Variants in PLXDC2 observed in about 807,000 individuals in gnomAD.
PLXDC2 encodes the protein plexin domain-containing protein 2.
A neutral mutation model predicts 68.9 loss-of-function variants in PLXDC2; 40 were observed. The observed-to-expected ratio is 0.58, with a 90% CI of 0.45 to 0.76. The LOEUF (loss-of-function observed/expected upper bound fraction) is 0.76, where lower values mean the gene tolerates loss of function less well. PLXDC2 is among the 30% of genes least tolerant of loss of function. PLXDC2 has a pLI of 0.00. For missense variants in PLXDC2, 644 were observed against 661.9 expected, an observed-to-expected ratio of 0.97 and a Z score of 0.30; for synonymous variants, 243 against 234.2, an observed-to-expected ratio of 1.04 and a Z score of -0.34.
rs570166468 is a variant in PLXDC2, at chr10:20,020,900, G to A, written c.324+18914G>A. Among the ~76,000 whole-genome samples, 8 of 152,206 alleles carry A rather than the reference G, an allele frequency of 5.3e-5. No individual in the cohort carries two copies. In the South Asian group the frequency reaches 1.0e-3, roughly 20 times the overall value. ...CTCTGACCCAGGTAAAAGAGGACAT[G>A]CCAGAAATAAAACCTGGAAAGGAAA... On this transcript the variant is annotated intron_variant, in intron 2 of 13. Transcript: ENST00000377252.
chr10:19,927,360 T>A (rs2131385912), intron 1 of PLXDC2, among the ~76,000 whole-genome samples: 1 of 152,144 alleles, frequency 6.6e-6, no homozygotes, highest in South Asian at 2.1e-4. Context: ...TTATTTTTTC[T>A]TATGAATTAG....
intron 1 of PLXDC2, among the ~76,000 whole-genome samples, chr10:19,940,782 T>C (rs1833806674): frequency 6.6e-6 from 1 of 152,192 alleles, no homozygotes; most frequent in Non-Finnish European, 1.5e-5. Context: ...GAGAAGGAAT[T>C]CTGTCAGAGT....
In PLXDC2 at chr10:20,066,547, A is replaced by T. The variant is rs367568829; in HGVS notation, c.472-1623A>T. 1.2e-4 allele frequency among the ~76,000 whole-genome samples: 18 copies of T among 152,342 alleles called. No individual in the cohort carries two copies. In the East Asian group the frequency reaches 2.1e-3, roughly 18 times the overall value. On this transcript the variant is annotated intron_variant, in intron 3 of 13. Coordinates refer to ENST00000377252, the MANE Select transcript of PLXDC2 (RefSeq NM_032812.9). ...TTTGAGATAAATGATCCTGCCATTG[A>T]ACTCTTCCTTCATTTTAGGGTTCTT...
At chr10:20,226,673 A>T (rs531349365) in intron 12 of PLXDC2, among the ~76,000 whole-genome samples, 1 of 152,322 alleles carries the variant, frequency 6.6e-6, no homozygotes, top group African/African-American at 2.4e-5. Context: ...TATGCTGCCG[A>T]TAGGACACAG....
chr10:20,235,601 TTAGGTCCAG>T (rs1835422297), intron 12 of PLXDC2, among the ~76,000 whole-genome samples: 1 of 152,146 alleles, frequency 6.6e-6, no homozygotes, highest in South Asian at 2.1e-4. Context: ...TGCCGCTCCT[TTAGGTCCAG>T]CAGTGTGAGA....
intron 1 of PLXDC2, among the ~76,000 whole-genome samples, chr10:19,883,695 T>G (rs1020891717): frequency 6.7e-6 from 1 of 148,960 alleles, no homozygotes; most frequent in Middle Eastern, 3.6e-3. Context: ...TTCTTCAGAC[T>G]TGAAAAAAAA....
At chr10:20,044,774 G>A (rs1835767708) in intron 2 of PLXDC2, among the ~76,000 whole-genome samples, 1 of 152,058 alleles carries the variant, frequency 6.6e-6, no homozygotes, top group Non-Finnish European at 1.5e-5. Flanking sequence ...CTCAGTAATT[G>A]CTCCTTCTTA....
intron 1 of PLXDC2, among the ~76,000 whole-genome samples, chr10:19,953,225 A>G (rs1834019317): frequency 6.6e-6 from 1 of 152,234 alleles, no homozygotes; most frequent in Non-Finnish European, 1.5e-5. Flanking sequence ...GTTAGTATAG[A>G]CTGCTGTGTA....
Position 19,845,094 on chromosome 10 carries a change from A to G in PLXDC2, c.112+27903A>G, listed in dbSNP as rs530504060. On this transcript the variant is annotated intron_variant, in intron 1 of 13. Coordinates refer to ENST00000377252, the MANE Select transcript of PLXDC2 (RefSeq NM_032812.9). ...CTGTCTGCTTCCAGATGTGGTTTTC[A>G]TAGGGAGTTGCCCACCCCCAACCTG... 4.6e-5 allele frequency among the ~76,000 whole-genome samples: 7 copies of G among 152,266 alleles called. No individual in the cohort carries two copies. The East Asian group carries it at 1.2e-3, about 25-fold the overall frequency.
At chr10:19,966,418 A>AAAAATATATATGTGCACATATAT (rs1464513081) in intron 1 of PLXDC2, among the ~76,000 whole-genome samples, 6 of 146,394 alleles carry the variant, frequency 4.1e-5, no homozygotes, top group South Asian at 2.1e-4. Context: ...CACATATATA[A>AAAAATATATATGTGCACATATAT]AAAATATATA....
intron 4 of PLXDC2, among the ~76,000 whole-genome samples, chr10:20,126,798 G>A (rs867186580): frequency 9.6e-5 from 3 of 31,148 alleles, no homozygotes; most frequent in Non-Finnish European, 2.5e-4. Context: ...TAGAACACAC[G>A]TTATATATGT....
At chr10:19,871,155 A>G (rs553071173) in intron 1 of PLXDC2, among the ~76,000 whole-genome samples, 10 of 152,326 alleles carry the variant, frequency 6.6e-5, no homozygotes, top group Admixed American at 3.3e-4. Context: ...GAAGAGAAGA[A>G]CAGCAAAGCA....
At chr10:20,189,558 T>C (rs58219697) in intron 9 of PLXDC2, among the ~76,000 whole-genome samples, 27 of 85,812 alleles carry the variant, frequency 3.1e-4, no homozygotes, top group Admixed American at 1.1e-3. Flanking sequence ...CACACACACA[T>C]ATATATATAT....
chr10:20,086,374 T>G (rs1589622469), intron 4 of PLXDC2, among the ~76,000 whole-genome samples: 1 of 149,494 alleles, frequency 6.7e-6, no homozygotes, highest in African/African-American at 2.5e-5. Context: ...TTTTTTTTTG[T>G]AGAGACTGGG....
intron 1 of PLXDC2, among the ~76,000 whole-genome samples, chr10:19,912,023 G>T (rs924546491): frequency 7.2e-5 from 11 of 151,994 alleles, no homozygotes; most frequent in African/African-American, 2.2e-4. Context: ...TATTACTTGT[G>T]CCATTTTCTT....
In PLXDC2 at chr10:20,253,669, C is replaced by A. The variant is rs116919023; in HGVS notation, c.1473+8164C>A. 1.4e-3 allele frequency among the ~76,000 whole-genome samples: 206 copies of A among 152,052 alleles called. 5 individuals carry two copies. The East Asian group carries it at 0.038, about 28-fold the overall frequency. ...CAACCTAGGGATTCTGTAACTTTTC[C>A]AAAATAAGTAGATGAATTCTCCAGT... On this transcript the variant is annotated intron_variant, in intron 13 of 13. Coordinates refer to ENST00000377252, the MANE Select transcript of PLXDC2 (RefSeq NM_032812.9).
intron 6 of PLXDC2, among the ~76,000 whole-genome samples, chr10:20,156,109 A>G (rs902894954): frequency 6.6e-6 from 1 of 151,860 alleles, no homozygotes; most frequent in Admixed American, 6.6e-5. Flanking sequence ...TTTTCCCTTG[A>G]TGTTTAAGTC....
intron 4 of PLXDC2, among the ~76,000 whole-genome samples, chr10:20,081,760 G>T (rs1305781894): frequency 1.3e-5 from 2 of 151,204 alleles, no homozygotes; most frequent in Non-Finnish European, 2.9e-5. Flanking sequence ...GAGAAGTCTG[G>T]CCGGGCACAG....
chr10:20,007,527 C>T (rs916316504), intron 2 of PLXDC2, among the ~76,000 whole-genome samples: 7 of 152,134 alleles, frequency 4.6e-5, no homozygotes, highest in African/African-American at 1.7e-4. Context: ...TTTGCCTTGA[C>T]TCAAAAGCCA....
Sources: gnomAD v4.1 joint callset for allele counts (sites outside exome capture counted in the v4.1 genomes callset) on GRCh38, gnomAD v4.1.1 for gene constraint, MANE v1.5 for transcripts, NCBI Gene and HGNC (gene_info 2026-07-23, HGNC 2026-07-21) for gene names.